The following ADAM12 variants were observed in gnomAD, a reference collection of about 807,000 sequenced individuals.
ADAM12 encodes the protein disintegrin and metalloproteinase domain-containing protein 12.
ADAM12 carries 70 observed loss-of-function variants against 106.4 expected under a neutral mutation model. That is an observed-to-expected ratio of 0.66 (90% CI 0.54 to 0.80). The LOEUF (loss-of-function observed/expected upper bound fraction) is 0.80. ADAM12 is among the 30% of genes least tolerant of loss of function. The pLI is 0.00. For synonymous variants in ADAM12, 420 were observed against 433.5 expected, an observed-to-expected ratio of 0.97 and a Z score of 0.39; for missense variants, 1,010 against 1,171.9, an observed-to-expected ratio of 0.86 and a Z score of 2.02.
intron 1 of ADAM12, among the ~76,000 whole-genome samples, chr10:126,342,546 G>A (rs538827112): frequency 2.0e-5 from 3 of 152,060 alleles, no homozygotes; most frequent in African/African-American, 7.2e-5. Flanking sequence ...TTAAATCCTT[G>A]CTTCATCTTA....
In ADAM12 at chr10:126,256,920, A is replaced by AATAATG. The variant is rs879871890; in HGVS notation, c.260+21994_260+21995insCATTAT. Among the ~76,000 whole-genome samples, 363 of 97,216 alleles carry AATAATG rather than the reference A, an allele frequency of 3.7e-3. 2 individuals are homozygous for AATAATG. Among genetic ancestry groups the AATAATG allele is most frequent in the African/African-American group, 7.8e-3 (190 of 24,444 alleles). The allele number at this position is 97,216 out of a possible 152,430, so 63.8% of individuals were successfully genotyped here. A position where few individuals can be genotyped will look rare whatever the true frequency, so the allele number is the denominator to read the frequency against. On this transcript the variant is annotated intron_variant, in intron 3 of 22. Transcript: ENST00000448723. ...ACCTTTGGATGGGAATAATAATAAT[A>AATAATG]ATGATGATGATGATGATGATGATGG...
At chr10:126,249,782 T>C (rs1408802720) in intron 3 of ADAM12, among the ~76,000 whole-genome samples, 2 of 152,212 alleles carry the variant, frequency 1.3e-5, no homozygotes, top group Non-Finnish European at 2.9e-5. Context: ...TGATTTAGAA[T>C]TCATGGCTGA....
At chr10:126,059,372 G>C (rs1178474092) in intron 14 of ADAM12, among the ~76,000 whole-genome samples, 1 of 152,182 alleles carries the variant, frequency 6.6e-6, no homozygotes, top group Non-Finnish European at 1.5e-5. Flanking sequence ...ACTGGAGACT[G>C]TATTGTCCTT....
chr10:126,253,191 C>T (rs1408220062), intron 3 of ADAM12, among the ~76,000 whole-genome samples: 1 of 152,182 alleles, frequency 6.6e-6, no homozygotes, highest in Non-Finnish European at 1.5e-5. Context: ...GGGTCCAGCA[C>T]AGGAAATGGT....
intron 3 of ADAM12, among the ~76,000 whole-genome samples, chr10:126,163,826 C>T (rs1674927): frequency 0.22 from 34,176 of 152,222 alleles, 4,913 homozygotes; most frequent in South Asian, 0.52. Flanking sequence ...AAACCTAGCA[C>T]AATGCCTAGC....
Position 126,121,016 on chromosome 10 carries a change from T to C in ADAM12, c.417-2792A>G, listed in dbSNP as rs12770507. Among the ~76,000 whole-genome samples, 49 of 43,188 alleles carry C rather than the reference T, an allele frequency of 1.1e-3. No individual in the cohort carries two copies. In the East Asian group the frequency reaches 0.014, roughly 12 times the overall value. 28.3% of individuals were successfully genotyped at this position (43,188 alleles called of 152,430 possible). A position where few individuals can be genotyped will look rare whatever the true frequency, so the allele number is the denominator to read the frequency against. On this transcript the variant is annotated intron_variant, in intron 5 of 22. Transcript: ENST00000448723. ...ATTATATATTACATATGCAATATAA[T>C]ATATATTATATATTATATATGCAAT...
intron 5 of ADAM12, among the ~76,000 whole-genome samples, chr10:126,127,178 AGGAAGCAGAAGGGAGAAG>A (rs1956220297): frequency 6.6e-6 from 1 of 152,176 alleles, no homozygotes; most frequent in South Asian, 2.1e-4. Context: ...TCTCCATGGG[AGGAAGCAGAAGGGAGAAG>A]GGAAGCAGTG....
At chr10:126,116,728 G>C (rs1254829660) in intron 6 of ADAM12, among the ~76,000 whole-genome samples, 1 of 152,022 alleles carries the variant, frequency 6.6e-6, no homozygotes, top group East Asian at 1.9e-4. Flanking sequence ...TACACAAGTA[G>C]AATACCTGGA....
intron 1 of ADAM12, among the ~76,000 whole-genome samples, chr10:126,381,777 C>T (rs557989695): frequency 7.8e-4 from 119 of 152,068 alleles, no homozygotes; most frequent in Non-Finnish European, 1.4e-3. Context: ...GCTGGGATTA[C>T]AGGTGTGAGC....
At chr10:126,073,683 C>A (rs999611432) in intron 11 of ADAM12, among the ~76,000 whole-genome samples, 4 of 152,188 alleles carry the variant, frequency 2.6e-5, no homozygotes, top group Admixed American at 6.5e-5. Flanking sequence ...CAACCTCGGG[C>A]TATTAACTCT....
chr10:126,269,967 G>A (rs1037931215), intron 3 of ADAM12, among the ~76,000 whole-genome samples: 26 of 152,136 alleles, frequency 1.7e-4, no homozygotes, highest in African/African-American at 6.0e-4. Flanking sequence ...CTTCTTCAAC[G>A]TCTATACAAC....
chr10:126,094,283 T>C (rs1955516777), intron 10 of ADAM12, 150 bp from the exon 11 acceptor site: 2 of 822,002 alleles, frequency 2.4e-6, no homozygotes, highest in African/African-American at 3.4e-5. Flanking sequence ...TATCATTTAG[T>C]TTAAACTTAA....
At chr10:126,228,229 A>G (rs1485373954) in intron 3 of ADAM12, among the ~76,000 whole-genome samples, 2 of 152,186 alleles carry the variant, frequency 1.3e-5, no homozygotes, top group African/African-American at 2.4e-5. Flanking sequence ...GTACCCCCCA[A>G]TATGCCAACA....
rs1954512370 is a variant in ADAM12, at chr10:126,051,835, A to AT, written c.1610-2167dup. Among the ~76,000 whole-genome samples, 6 of 152,292 alleles carry AT rather than the reference A, an allele frequency of 3.9e-5. 1 individual carries two copies. The South Asian group carries it at 1.2e-3, about 32-fold the overall frequency. On this transcript the variant is annotated intron_variant, in intron 14 of 22. Transcript: ENST00000448723. ...GAGACACAGAAAAAAGACCCAAATG[A>AT]TTATGTTCCTCTAAAGCCCAGTGTT...
In ADAM12 at chr10:126,377,503, G is replaced by A. The variant is rs144760989; in HGVS notation, c.88+10555C>T. Among the ~76,000 whole-genome samples, 244 of 152,176 alleles carry A rather than the reference G, an allele frequency of 1.6e-3. 3 individuals are homozygous for A. Among genetic ancestry groups the A allele is most frequent in the Middle Eastern group, 0.01 (3 of 294 alleles). On this transcript the variant is annotated intron_variant, in intron 1 of 22. Transcript: ENST00000448723. ...CCTGCTTTATGTTCTGGCCATGCTG[G>A]TAGCTGATTAGATGAAGCCCATCCA... is the stretch of plus-strand genomic sequence containing the variant.
At chr10:126,142,302 G>A (rs915896147) in intron 4 of ADAM12, among the ~76,000 whole-genome samples, 1 of 152,172 alleles carries the variant, frequency 6.6e-6, no homozygotes, top group African/African-American at 2.4e-5. Flanking sequence ...ATTTACCCAC[G>A]TATTTACTGA....
chr10:126,145,313 C>A (rs1156559490), intron 4 of ADAM12, among the ~76,000 whole-genome samples: 2 of 152,154 alleles, frequency 1.3e-5, no homozygotes, highest in African/African-American at 2.4e-5. Context: ...CTGCTCTCCC[C>A]CAAGAGCATT....
intron 17 of ADAM12, among the ~76,000 whole-genome samples, chr10:126,044,731 C>T (rs1159340791): frequency 6.6e-6 from 1 of 152,192 alleles, no homozygotes; most frequent in African/African-American, 2.4e-5. Context: ...AGAAGGCCGA[C>T]TGTCAAGATA....
intron 3 of ADAM12, among the ~76,000 whole-genome samples, chr10:126,236,867 G>A (rs780614358): frequency 1.1e-4 from 16 of 152,160 alleles, no homozygotes; most frequent in African/African-American, 3.1e-4. Flanking sequence ...GGGCAGGGCC[G>A]CCTCCTGGAG....
Sources: allele counts gnomAD v4.1 joint callset (sites outside exome capture counted in the v4.1 genomes callset), GRCh38; gene constraint gnomAD v4.1.1; transcripts MANE v1.5; gene names NCBI Gene and HGNC (gene_info 2026-07-23, HGNC 2026-07-21).